The following APOBEC1 variants were observed in gnomAD, a reference collection of about 807,000 sequenced individuals.
APOBEC1 encodes apolipoprotein B mRNA editing enzyme catalytic subunit 1, also known as C->U-editing enzyme APOBEC-1.
In APOBEC1, 22 loss-of-function variants were observed where a neutral mutation model predicts 26.3. The ratio of observed to expected loss-of-function variants is 0.84; its 90% CI spans 0.60 to 1.19. APOBEC1 has a LOEUF of 1.19. APOBEC1 is among the 50% of genes most tolerant of loss of function. The probability of loss-of-function intolerance (pLI) is 0.00; values close to 1 mark genes in which losing one functional copy is unlikely to be tolerated. For synonymous variants in APOBEC1, 77 were observed against 95.3 expected (o/e 0.81, Z 1.12); for missense variants, 253 against 289.0 (o/e 0.88, Z 0.90).
chr12:7,665,316 G>A (rs1863878125), intron 1 of APOBEC1, among the ~76,000 whole-genome samples: 1 of 151,764 alleles, frequency 6.6e-6, no homozygotes, highest in African/African-American at 2.4e-5. Context: ...TTATTTTTGT[G>A]AGACAGAGTC....
Position 7,652,614 on chromosome 12 carries a change from G to C in APOBEC1, c.266C>G (p.Ser89Cys), listed in dbSNP as rs147151417. 1.1e-5 allele frequency: 17 copies of C among 1,614,190 alleles called. No homozygotes were observed. Among genetic ancestry groups the C allele is most frequent in the Non-Finnish European group, 1.4e-5 (16 of 1,180,024 alleles). ...GGAGCATTCCCAGCAGGGACTCCAG[G>C]ACAAGAACCAGGTGATGGAGCAGCT... Reference protein sequence around the residue: ...SMSCSITWFLSWSPCWECSQA... With the variant: ...SMSCSITWFLCWSPCWECSQA... The change falls in exon 3 of 5, where the codon TCC (serine) becomes TGC (cysteine). Residue 89 changes from serine (S) to cysteine (C), a missense_variant. Coordinates refer to ENST00000229304, the MANE Select transcript of APOBEC1 (RefSeq NM_001644.5).
Position 7,665,129 on chromosome 12 carries a change from C to T in APOBEC1, c.16+728G>A, listed in dbSNP as rs76461839. 8.1e-3 allele frequency among the ~76,000 whole-genome samples: 1,227 copies of T among 152,276 alleles called. 5 individuals carry two copies. Among genetic ancestry groups the T allele is most frequent in the Non-Finnish European group, 0.014 (951 of 68,016 alleles). The stretch of plus-strand genomic sequence containing the variant: ...AATCCTAGCTCAGCTGAAATTACTT[C>T]CTTCAGCCTGAAGTGTTCTTCCTCT... On this transcript the variant is annotated intron_variant, in intron 1 of 4. Coordinates refer to ENST00000229304, the MANE Select transcript of APOBEC1 (RefSeq NM_001644.5).
chr12:7,653,738 C>T (rs1358611907), intron 2 of APOBEC1, among the ~76,000 whole-genome samples: 1 of 152,148 alleles, frequency 6.6e-6, no homozygotes, highest in Non-Finnish European at 1.5e-5. Flanking sequence ...CCTCAAATTG[C>T]CAACAAGATT....
chr12:7,665,795 A>ACACC, intron 1 of APOBEC1, 62 bp downstream of exon 1: 1 of 1,341,824 alleles, frequency 7.5e-7, no homozygotes, highest in Non-Finnish European at 1.1e-6. Flanking sequence ...ACACACACAC[A>ACACC]CACACACACA....
At chr12:7,660,378 A>C (rs111382193) in intron 1 of APOBEC1, among the ~76,000 whole-genome samples, 7 of 100,856 alleles carry the variant, frequency 6.9e-5, no homozygotes, top group East Asian at 2.6e-4. Flanking sequence ...GAAGGAAGGA[A>C]AGAAAGAAAG....
intron 1 of APOBEC1, among the ~76,000 whole-genome samples, chr12:7,660,805 C>T (rs1863807108): frequency 6.6e-6 from 1 of 151,348 alleles, no homozygotes. Flanking sequence ...CAGCTGGAGA[C>T]CATTATCCTA....
At chr12:7,665,752 GAC>G (rs60124402) in intron 1 of APOBEC1, 103 bp downstream of exon 1, 84,866 of 759,226 alleles carry the variant, frequency 0.11, 3,081 homozygotes, top group African/African-American at 0.13. Flanking sequence ...GAATCAGCAG[GAC>G]ACACACACAC....
At chr12:7,657,042 ACGTGTGTGTGTG>A (rs746052985) in intron 1 of APOBEC1, among the ~76,000 whole-genome samples, 2 of 112,128 alleles carry the variant, frequency 1.8e-5, no homozygotes, top group Admixed American at 1.0e-4. Flanking sequence ...TGTTGTATAT[ACGTGTGTGTGTG>A]TGTGTGTGTG....
Sources: gnomAD v4.1 joint callset for allele counts (sites outside exome capture counted in the v4.1 genomes callset) on GRCh38, gnomAD v4.1.1 for gene constraint, MANE v1.5 for transcripts, NCBI Gene and HGNC (gene_info 2026-07-23, HGNC 2026-07-21) for gene names.